RBFOX1: variants seen among roughly 807,000 people sequenced by gnomAD.
RBFOX1 encodes the protein RNA binding fox-1 homolog 1, also known as RNA binding protein fox-1 homolog 1.
RBFOX1 carries 8 observed loss-of-function variants against 57.7 expected under a neutral mutation model. The observed-to-expected ratio is 0.14, with a 90% confidence interval of 0.08 to 0.25. The LOEUF (loss-of-function observed/expected upper bound fraction) is 0.25, where lower values mean the gene tolerates loss of function less well. Ranked by LOEUF, RBFOX1 falls within the 10% of genes least tolerant of loss-of-function variation. RBFOX1 has a pLI of 1.00. For synonymous variants in RBFOX1, 326 were observed against 222.4 expected (o/e 1.47, Z -4.15); for missense variants, 611 against 548.5 (o/e 1.11, Z -1.14).
rs750611305 is a variant in RBFOX1, at chr16:5,500,171, GCCTCCCTC to G, written c.258+32933_258+32940del. ...TTCCCTTCCTCCCCTCCCACTCCCTGCCTCCCTCCCTCCCTCCCTCCCTTCATTCCATT... is the reference window on the plus strand; with the variant it reads ...TTCCCTTCCTCCCCTCCCACTCCCTGCCTCCCTCCCTCCCTTCATTCCATT... On this transcript the variant is annotated intron_variant, in intron 2 of 2. Transcript: ENST00000585867. Among the ~76,000 whole-genome samples, 6 of 88,694 alleles carry G rather than the reference GCCTCCCTC, an allele frequency of 6.8e-5. No homozygotes were observed. In the East Asian group the frequency reaches 1.9e-3, roughly 28 times the overall value. The allele number at this position is 88,694 out of a possible 152,430, so 58.2% of individuals were successfully genotyped here.
chr16:6,878,748 G>C (rs537270739), intron 3 of RBFOX1, among the ~76,000 whole-genome samples: 1 of 152,290 alleles, frequency 6.6e-6, no homozygotes, highest in Admixed American at 6.5e-5. Context: ...TATCCCATGA[G>C]AGTTTAAGGA....
chr16:5,471,442 C>G (rs1174416442), intron 2 of RBFOX1, among the ~76,000 whole-genome samples: 3 of 152,122 alleles, frequency 2.0e-5, no homozygotes, highest in Non-Finnish European at 2.9e-5. Context: ...GAGAGATGCT[C>G]TATGAAACTA....
chr16:7,544,796 T>C (rs190854504), intron 5 of RBFOX1, among the ~76,000 whole-genome samples: 1 of 152,276 alleles, frequency 6.6e-6, no homozygotes, highest in East Asian at 1.9e-4. Context: ...TTTGTTGTTG[T>C]TGTTTTTGTT....
intron 4 of RBFOX1, among the ~76,000 whole-genome samples, chr16:7,505,684 A>T (rs1279651776): frequency 2.0e-5 from 3 of 152,012 alleles, no homozygotes; most frequent in Non-Finnish European, 2.9e-5. Context: ...TCGACCGCCC[A>T]CTCGGTTGGC....
chr16:5,340,035 C>G (rs775911345), intron 1 of RBFOX1, among the ~76,000 whole-genome samples: 1 of 152,166 alleles, frequency 6.6e-6, no homozygotes, highest in Non-Finnish European at 1.5e-5. Flanking sequence ...GCAGCACCAG[C>G]AAAATCAGTA....
intron 3 of RBFOX1, among the ~76,000 whole-genome samples, chr16:6,859,815 G>A (rs2058687097): frequency 6.6e-6 from 1 of 150,934 alleles, no homozygotes; most frequent in African/African-American, 2.5e-5. Flanking sequence ...TATTTTTTCT[G>A]CCATTCTTGT....
chr16:5,942,938 C>T (rs145890730), intron 4 of RBFOX1, among the ~76,000 whole-genome samples: 2 of 152,300 alleles, frequency 1.3e-5, no homozygotes, highest in East Asian at 1.9e-4. Context: ...GGTGCTGAGC[C>T]TACACTGTCT....
At chr16:6,085,439 A>C (rs1031199080) in intron 1 of RBFOX1, among the ~76,000 whole-genome samples, 4 of 151,876 alleles carry the variant, frequency 2.6e-5, no homozygotes, top group African/African-American at 9.7e-5. Flanking sequence ...TGCCCAGCTA[A>C]TTTTGTATTT....
intron 2 of RBFOX1, among the ~76,000 whole-genome samples, chr16:5,535,789 G>A (rs1019646998): frequency 6.6e-6 from 1 of 152,170 alleles, no homozygotes; most frequent in African/African-American, 2.4e-5. Flanking sequence ...CATCTCTTAT[G>A]TATGTCACCA....
rs182101778 is a variant in RBFOX1 at position 5,250,454 on chromosome 16, G to A, written c.219+10349G>A. 1.5e-3 allele frequency among the ~76,000 whole-genome samples: 234 copies of A among 152,234 alleles called. 1 individual carries two copies. The highest frequency in any genetic ancestry group is 5.3e-3 in the African/African-American group (221 of 41,534). On this transcript the variant is annotated intron_variant, in intron 1 of 2. Coordinates refer to the RBFOX1 transcript ENST00000585867. ...TCACCCCCGACAGGCCCTGGTGTAT[G>A]TTGTTCCCCTCTCTGTGTCCATGTG... is the stretch of plus-strand genomic sequence containing the variant.
chr16:6,598,705 T>C (rs903834067), intron 2 of RBFOX1, among the ~76,000 whole-genome samples: 1 of 152,148 alleles, frequency 6.6e-6, no homozygotes, highest in African/African-American at 2.4e-5. Context: ...CTCAGCACTT[T>C]GGGTGGCTGA....
intron 1 of RBFOX1, among the ~76,000 whole-genome samples, chr16:5,395,708 C>G (rs1049930383): frequency 6.6e-6 from 1 of 152,190 alleles, no homozygotes; most frequent in Non-Finnish European, 1.5e-5. Context: ...AAGGGATGCT[C>G]TGTTGCACCT....
chr16:5,665,955 A>G (rs2049830961), intron 3 of RBFOX1, among the ~76,000 whole-genome samples: 1 of 152,226 alleles, frequency 6.6e-6, no homozygotes, highest in Non-Finnish European at 1.5e-5. Context: ...AGCAGAGCTG[A>G]CGAAATGTCA....
chr16:6,837,897 C>T (rs1320749992), intron 3 of RBFOX1, among the ~76,000 whole-genome samples: 1 of 152,074 alleles, frequency 6.6e-6, no homozygotes, highest in African/African-American at 2.4e-5. Flanking sequence ...CCAACAGCAA[C>T]AATGACAGTT....
intron 3 of RBFOX1, among the ~76,000 whole-genome samples, chr16:6,800,221 C>T (rs77747887): frequency 6.8e-6 from 1 of 146,090 alleles, no homozygotes; most frequent in African/African-American, 2.8e-5. Context: ...TGCCTCATAA[C>T]CATGTCTGTT....
At chr16:6,319,709 C>G (rs1297535265) in intron 2 of RBFOX1, among the ~76,000 whole-genome samples, 2 of 152,176 alleles carry the variant, frequency 1.3e-5, no homozygotes, top group Non-Finnish European at 2.9e-5. Flanking sequence ...TTCTAGCTCT[C>G]CACATCCCTT....
chr16:6,062,200 T>A (rs907504801), intron 1 of RBFOX1, among the ~76,000 whole-genome samples: 1 of 152,170 alleles, frequency 6.6e-6, no homozygotes, highest in Non-Finnish European at 1.5e-5. Flanking sequence ...TAAGAAGCTC[T>A]CTGAACTGTC....
intron 12 of RBFOX1, among the ~76,000 whole-genome samples, chr16:7,657,351 C>T (rs1031833083): frequency 6.6e-5 from 10 of 152,210 alleles, no homozygotes; most frequent in African/African-American, 2.2e-4. Flanking sequence ...GTCACCCAGG[C>T]TTGAGTGCAA....
chr16:5,524,283 A>C (rs1027924637), intron 2 of RBFOX1, among the ~76,000 whole-genome samples: 5 of 152,154 alleles, frequency 3.3e-5, no homozygotes, highest in African/African-American at 1.2e-4. Context: ...GTGTTACTGG[A>C]AGGAAACCAT....
Sources: gnomAD v4.1 joint callset for allele counts (sites outside exome capture counted in the v4.1 genomes callset) on GRCh38, gnomAD v4.1.1 for gene constraint, MANE v1.5 for transcripts, NCBI Gene and HGNC (gene_info 2026-07-23, HGNC 2026-07-21) for gene names.